PRKCB: variants seen among roughly 807,000 people sequenced by gnomAD.
PRKCB encodes the protein protein kinase C beta type.
Under a neutral mutation model 81.5 loss-of-function variants are expected in PRKCB, and 13 were observed. The observed-to-expected ratio is 0.16, with a 90% CI of 0.10 to 0.25. The LOEUF (loss-of-function observed/expected upper bound fraction) is 0.25. PRKCB is among the 10% of genes least tolerant of loss of function. PRKCB has a pLI of 1.00. For missense variants in PRKCB, 509 were observed against 875.7 expected (o/e 0.58, Z 5.29); for synonymous variants, 335 against 321.4 (o/e 1.04, Z -0.45).
intron 2 of PRKCB, among the ~76,000 whole-genome samples, chr16:23,844,176 A>G (rs1465132853): frequency 6.6e-6 from 1 of 152,250 alleles, no homozygotes; most frequent in African/African-American, 2.4e-5. Context: ...TGACGCCTTC[A>G]AAGGTAAGTC....
At chr16:24,168,935 A>G (rs1214200910) in intron 10 of PRKCB, among the ~76,000 whole-genome samples, 1 of 151,896 alleles carries the variant, frequency 6.6e-6, no homozygotes, top group Non-Finnish European at 1.5e-5. Flanking sequence ...AGTGAGATAC[A>G]ACTTGAGTTT....
rs540817391 is a variant in PRKCB, at chr16:23,841,455, A to G, written c.205+4049A>G. ...TTTAATTAAAGTCTTCTCTAAGAAG[A>G]TTTTTGGTAGAGAGAAAAACCTTCT... is the stretch of plus-strand genomic sequence containing the variant. On this transcript the variant is annotated intron_variant, in intron 2 of 16. Transcript: ENST00000643927. 5.3e-5 allele frequency among the ~76,000 whole-genome samples: 8 copies of G among 151,964 alleles called. No homozygotes were observed. The South Asian group carries it at 1.7e-3, about 32-fold the overall frequency.
rs903421146 is a variant in PRKCB, at chr16:24,211,396, G to T, written c.1864-3262G>T. Among the ~76,000 whole-genome samples, 6 of 152,240 alleles carry T rather than the reference G, an allele frequency of 3.9e-5. No individual in the cohort carries two copies. The East Asian group carries it at 1.2e-3, about 29-fold the overall frequency. On this transcript the variant is annotated intron_variant, in intron 16 of 16. Transcript: ENST00000643927. The stretch of plus-strand genomic sequence containing the variant: ...ATCACATACTCAGTACCTGTTACTT[G>T]CATTCTCTCATTTTATCCTCATATC...
chr16:23,933,009 G>A (rs997912316), intron 2 of PRKCB, among the ~76,000 whole-genome samples: 5 of 126,086 alleles, frequency 4.0e-5, no homozygotes, highest in African/African-American at 1.4e-4. Context: ...GGATTTGGAA[G>A]TGAGAATGAA....
At chr16:23,876,887 A>G (rs1432132692) in intron 2 of PRKCB, among the ~76,000 whole-genome samples, 1 of 152,198 alleles carries the variant, frequency 6.6e-6, no homozygotes, top group African/African-American at 2.4e-5. Context: ...GGATGAAGGA[A>G]ACATATCCTT....
rs569989375 is a variant in PRKCB, at chr16:24,217,979, C to A, written c.*3163C>A. 132 of 985,144 alleles carry A rather than the reference C, an allele frequency of 1.3e-4. No homozygotes were observed. The highest frequency in any genetic ancestry group is 1.9e-4 in the South Asian group (4 of 21,270). 61.0% of individuals were successfully genotyped at this position (985,144 alleles called of 1,614,324 possible). A position where few individuals can be genotyped will look rare whatever the true frequency, so the allele number is the denominator to read the frequency against. On this transcript the variant is annotated 3_prime_UTR_variant, in exon 17 of 17. Coordinates refer to ENST00000643927, the MANE Select transcript of PRKCB (RefSeq NM_002738.7). The stretch of plus-strand genomic sequence containing the variant: ...CAGAGTAAAGTTTCTGGCTCGGGGA[C>A]AATTATAAGTTGCAAAAAGGATAGA...
intron 2 of PRKCB, among the ~76,000 whole-genome samples, chr16:23,841,100 A>T (rs1162134298): frequency 6.6e-6 from 1 of 151,950 alleles, no homozygotes; most frequent in African/African-American, 2.4e-5. Flanking sequence ...ATTTATTGAG[A>T]CAGAGTCTCA....
At chr16:24,113,541 CCTTT>C (rs1966704264) in intron 8 of PRKCB, among the ~76,000 whole-genome samples, 1 of 147,714 alleles carries the variant, frequency 6.8e-6, no homozygotes, top group South Asian at 2.2e-4. Context: ...TCCCCCCTTT[CCTTT>C]CTTTCTTCCT....
intron 3 of PRKCB, among the ~76,000 whole-genome samples, chr16:23,989,167 G>A (rs144286711): frequency 2.6e-5 from 4 of 152,070 alleles, no homozygotes; most frequent in South Asian, 4.1e-4. Context: ...GGGTTTCACC[G>A]TGTTAGACAG....
chr16:23,922,476 T>C (rs933288379), intron 2 of PRKCB, among the ~76,000 whole-genome samples: 3 of 152,224 alleles, frequency 2.0e-5, no homozygotes, highest in African/African-American at 2.4e-5. Context: ...CTCTGCAACC[T>C]CTCATCTATA....
chr16:24,196,615 A>G (rs907396229), intron 16 of PRKCB, among the ~76,000 whole-genome samples: 2 of 152,194 alleles, frequency 1.3e-5, no homozygotes, highest in African/African-American at 2.4e-5. Flanking sequence ...TTTAATGTGC[A>G]TGCACGAGTC....
intron 2 of PRKCB, among the ~76,000 whole-genome samples, chr16:23,921,684 C>A (rs1431076058): frequency 6.6e-6 from 1 of 152,110 alleles, no homozygotes; most frequent in African/African-American, 2.4e-5. Context: ...ATCTGTCATC[C>A]CAGCTACTTG....
intron 8 of PRKCB, among the ~76,000 whole-genome samples, chr16:24,113,409 C>T (rs1966701373): frequency 1.4e-5 from 2 of 147,952 alleles, no homozygotes; most frequent in Admixed American, 6.7e-5. Context: ...CTTTCTCTTT[C>T]CCTCTCATTC....
At chr16:23,988,979 C>G (rs7188510) in intron 3 of PRKCB, among the ~76,000 whole-genome samples, 5,775 of 151,912 alleles carry the variant, frequency 0.038, 339 homozygotes, top group African/African-American at 0.13. Flanking sequence ...TATTATTTTT[C>G]AGATGGAGTC....
At position 24,167,100 on chromosome 16, in the gene PRKCB, C is replaced by T. The variant is rs148931549; in HGVS notation, c.1240-5170C>T. On this transcript the variant is annotated intron_variant, in intron 10 of 16. Coordinates refer to ENST00000643927, the MANE Select transcript of PRKCB (RefSeq NM_002738.7). ...AAACAAGTGTTTTGGTTCTCTTCAA[C>T]GTGCAGCAAAGACAGATGCTATTTT... Among the ~76,000 whole-genome samples the T allele has an allele frequency of 4.9e-4, 74 of 150,734 alleles. No homozygotes were observed. The Middle Eastern group carries it at 0.01, about 21-fold the overall frequency.
intron 3 of PRKCB, among the ~76,000 whole-genome samples, chr16:24,019,076 A>T (rs1965324974): frequency 6.6e-6 from 1 of 152,180 alleles, no homozygotes; most frequent in South Asian, 2.1e-4. Context: ...ACTTTACATC[A>T]AAAGTATAGA....
intron 2 of PRKCB, among the ~76,000 whole-genome samples, chr16:23,953,093 A>T (rs1964305050): frequency 6.6e-6 from 1 of 152,122 alleles, no homozygotes; most frequent in Non-Finnish European, 1.5e-5. Flanking sequence ...ATGAGGTGCC[A>T]TTATCCTCCC....
chr16:24,038,536 G>A (rs1046377012), intron 5 of PRKCB, among the ~76,000 whole-genome samples: 2 of 152,254 alleles, frequency 1.3e-5, no homozygotes, highest in Non-Finnish European at 2.9e-5. Flanking sequence ...TGAGCACCTG[G>A]GCCTCTGGCC....
At chr16:24,183,122 A>G (rs996904140) in intron 13 of PRKCB, among the ~76,000 whole-genome samples, 1 of 152,086 alleles carries the variant, frequency 6.6e-6, no homozygotes, top group Non-Finnish European at 1.5e-5. Context: ...GGCCTCCCAA[A>G]GTGGAAAACA....
Sources: allele counts gnomAD v4.1 joint callset (sites outside exome capture counted in the v4.1 genomes callset), GRCh38; gene constraint gnomAD v4.1.1; transcripts MANE v1.5; gene names NCBI Gene and HGNC (gene_info 2026-07-23, HGNC 2026-07-21).